CACNA1E: variants seen among roughly 807,000 people sequenced by gnomAD.
CACNA1E encodes the protein calcium voltage-gated channel subunit alpha1 E, also known as voltage-dependent R-type calcium channel subunit alpha-1E.
In CACNA1E, 40 loss-of-function variants were observed where a neutral mutation model predicts 259.2. The ratio of observed to expected loss-of-function variants is 0.15; its 90% CI spans 0.12 to 0.20. CACNA1E has a LOEUF of 0.20. Among genes scored for constraint, CACNA1E ranks in the 10% least tolerant of loss-of-function variants. The pLI, the probability that CACNA1E is intolerant of heterozygous loss-of-function variation, is 1.00. For synonymous variants in CACNA1E, 1,104 were observed against 1,138.5 expected (o/e 0.97, Z 0.61); for missense variants, 1,874 against 3,040.1 (o/e 0.62, Z 9.02).
chr1:181,444,156 C>T (rs1337814607), intron 2 of CACNA1E, among the ~76,000 whole-genome samples: 1 of 152,056 alleles, frequency 6.6e-6, no homozygotes, highest in Non-Finnish European at 1.5e-5. Context: ...CATTTCCCTC[C>T]CGCAGCATAG....
chr1:181,630,630 A>G (rs115678684), intron 6 of CACNA1E, among the ~76,000 whole-genome samples: 310 of 151,902 alleles, frequency 2.0e-3, no homozygotes, highest in African/African-American at 6.8e-3. Flanking sequence ...AACACCACCT[A>G]TGCTTGGAGC....
chr1:181,735,729 GA>G (rs1320850088), intron 21 of CACNA1E, among the ~76,000 whole-genome samples: 3 of 152,334 alleles, frequency 2.0e-5, no homozygotes, highest in African/African-American at 7.2e-5. Flanking sequence ...ATGATTTCTT[GA>G]AATCTTCCAT....
intron 6 of CACNA1E, among the ~76,000 whole-genome samples, chr1:181,616,751 G>C (rs1215186557): frequency 6.6e-6 from 1 of 151,936 alleles, no homozygotes; most frequent in Non-Finnish European, 1.5e-5. Flanking sequence ...AAAAAAAGGA[G>C]GTGGGGGGAA....
intron 2 of CACNA1E, among the ~76,000 whole-genome samples, chr1:181,447,222 A>T (rs1194244335): frequency 6.6e-6 from 1 of 152,156 alleles, no homozygotes; most frequent in Non-Finnish European, 1.5e-5. Flanking sequence ...TAAAAATAGA[A>T]CTGTATTTAA....
intron 1 of CACNA1E, among the ~76,000 whole-genome samples, chr1:181,405,853 C>A (rs955027482): frequency 2.6e-5 from 4 of 152,190 alleles, no homozygotes; most frequent in African/African-American, 9.7e-5. Context: ...CTTTGTCTCC[C>A]AGCTGGAGAG....
chr1:181,396,845 G>A (rs1262419770), intron 1 of CACNA1E, among the ~76,000 whole-genome samples: 1 of 152,298 alleles, frequency 6.6e-6, no homozygotes, highest in East Asian at 1.9e-4. Flanking sequence ...TAAATCACAG[G>A]AGAGAAATCT....
intron 8 of CACNA1E, among the ~76,000 whole-genome samples, chr1:181,711,839 C>T (rs1260195308): frequency 2.6e-5 from 4 of 152,032 alleles, no homozygotes; most frequent in Non-Finnish European, 5.9e-5. Context: ...GGGAAGTGGG[C>T]AGCAATCGTG....
chr1:181,510,664 C>T, intron 2 of CACNA1E, 82 bp downstream of exon 2: 1 of 870,262 alleles, frequency 1.1e-6, no homozygotes, highest in Non-Finnish European at 1.9e-6. Context: ...TCTCCCATTC[C>T]CTTCCTGCCT....
intron 1 of CACNA1E, among the ~76,000 whole-genome samples, chr1:181,348,216 A>G (rs1449852248): frequency 1.3e-5 from 2 of 151,176 alleles, no homozygotes; most frequent in African/African-American, 2.4e-5. Flanking sequence ...TGCAGTTGAG[A>G]TGGGGGGTCA....
chr1:181,514,196 CA>C (rs1421144355), intron 3 of CACNA1E, among the ~76,000 whole-genome samples: 1 of 152,194 alleles, frequency 6.6e-6, no homozygotes, highest in African/African-American at 2.4e-5. Flanking sequence ...GCACGTTTTT[CA>C]TGCTGGAACA....
chr1:181,380,777 G>A (rs1655402710), intron 1 of CACNA1E, among the ~76,000 whole-genome samples: 1 of 152,068 alleles, frequency 6.6e-6, no homozygotes, highest in South Asian at 2.1e-4. Context: ...AATTATGTTG[G>A]AAAACAGTTT....
At chr1:181,674,209 C>T (rs1649117064) in intron 7 of CACNA1E, among the ~76,000 whole-genome samples, 1 of 138,916 alleles carries the variant, frequency 7.2e-6, no homozygotes. Flanking sequence ...AAAACCCCGT[C>T]TCTACTAAAA....
intron 18 of CACNA1E, among the ~76,000 whole-genome samples, chr1:181,730,537 A>G (rs1261213389): frequency 6.6e-6 from 1 of 152,252 alleles, no homozygotes; most frequent in Non-Finnish European, 1.5e-5. Context: ...TGAACATAGA[A>G]CAGGGTCTAT....
At chr1:181,661,775 T>A (rs1283618148) in intron 7 of CACNA1E, among the ~76,000 whole-genome samples, 1 of 152,192 alleles carries the variant, frequency 6.6e-6, no homozygotes, top group Non-Finnish European at 1.5e-5. Flanking sequence ...AGTACTAACT[T>A]CCTTTTATAA....
intron 38 of CACNA1E, among the ~76,000 whole-genome samples, chr1:181,778,742 G>T (rs916514302): frequency 1.3e-5 from 2 of 152,198 alleles, no homozygotes; most frequent in Non-Finnish European, 2.9e-5. Context: ...TGGCTGAGTG[G>T]CAGAAAGAGG....
chr1:181,597,087 C>T (rs978656085), intron 6 of CACNA1E, among the ~76,000 whole-genome samples: 4 of 152,130 alleles, frequency 2.6e-5, no homozygotes, highest in African/African-American at 9.7e-5. Context: ...TAATCATCTC[C>T]TTATCTCTCA....
At chr1:181,398,238 G>A (rs771598403) in intron 1 of CACNA1E, among the ~76,000 whole-genome samples, 1 of 152,212 alleles carries the variant, frequency 6.6e-6, no homozygotes, top group South Asian at 2.1e-4. Context: ...GTCTTGACGT[G>A]CAAGGACCAG....
chr1:181,798,606 C>T lies in CACNA1E; in HGVS notation c.6714C>T (p.Asp2238=). The T allele has an allele frequency of 1.2e-6, 2 of 1,613,320 alleles. No homozygotes were observed. The highest frequency in any genetic ancestry group is 1.7e-6 in the Non-Finnish European group (2 of 1,179,800). ...ISEPYLALHE[D]SHASDCGEEE... is the part of the protein sequence containing the mutation. Reference sequence around the variant, plus strand: ...AGCCCTACTTGGCCCTGCACGAAGACTCCCACGCCTCAGACTGTGGTGAGG... The same window carrying T: ...AGCCCTACTTGGCCCTGCACGAAGATTCCCACGCCTCAGACTGTGGTGAGG... The change falls in exon 48 of 48, where the codon GAC becomes GAT. Residue 2238 remains aspartate (D), a synonymous_variant. Transcript: ENST00000367573. The surrounding 1 kb of genome is among the most constrained non-coding windows in gnomAD (Gnocchi z 4.2).
chr1:181,327,389 T>C (rs572010843), intron 1 of CACNA1E, among the ~76,000 whole-genome samples: 1 of 152,322 alleles, frequency 6.6e-6, no homozygotes, highest in Admixed American at 6.5e-5. Context: ...CTACGGAGTG[T>C]GTATGTGGTA....
Sources: gnomAD v4.1 joint callset for allele counts (sites outside exome capture counted in the v4.1 genomes callset) on GRCh38, gnomAD v4.1.1 for gene constraint, Gnocchi (gnomAD v3.1) non-coding constraint, MANE v1.5 for transcripts, NCBI Gene and HGNC (gene_info 2026-07-23, HGNC 2026-07-21) for gene names.